LZTS1: variants seen among roughly 807,000 people sequenced by gnomAD.
The protein encoded by LZTS1 is leucine zipper tumor suppressor 1.
Under a neutral mutation model 45.8 loss-of-function variants are expected in LZTS1, and 31 were observed. That is an observed-to-expected ratio of 0.68 (90% CI 0.51 to 0.91). The LOEUF is 0.91. LZTS1 is among the 40% of genes least tolerant of loss of function. The probability of loss-of-function intolerance (pLI) is 0.00; values close to 1 mark genes in which losing one functional copy is unlikely to be tolerated. For synonymous variants in LZTS1, 359 were observed against 357.3 expected (o/e 1.00, Z -0.05); for missense variants, 821 against 788.9 (o/e 1.04, Z -0.49).
chr8:20,275,224 A>G lies in LZTS1; in HGVS notation c.-134-19909T>C, dbSNP rs191942520. On this transcript the variant is annotated intron_variant, in intron 1 of 3. Coordinates refer to ENST00000381569, the MANE Select transcript of LZTS1 (RefSeq NM_021020.5). ...CGAGACCAGCCTGGCCAACATGGTG[A>G]AACCCCATCTCTACTAAAAATACAA... Among the ~76,000 whole-genome samples the G allele has an allele frequency of 3.4e-3, 521 of 152,168 alleles. 5 individuals carry two copies. The highest frequency in any genetic ancestry group is 0.017 in the Middle Eastern group (5 of 294).
chr8:20,302,921 C>T (rs1474494863), intron 1 of LZTS1, among the ~76,000 whole-genome samples: 1 of 152,110 alleles, frequency 6.6e-6, no homozygotes, highest in Non-Finnish European at 1.5e-5. Flanking sequence ...AAAGAGACAT[C>T]ACCTGGCCCT....
chr8:20,253,656 C>G (rs558813210), intron 2 of LZTS1, 71 bp from the exon 3 acceptor site: 11 of 1,265,650 alleles, frequency 8.7e-6, no homozygotes, highest in Middle Eastern at 2.5e-4. Context: ...TCCCCAGGCA[C>G]GCGTGCCGAC....
intron 1 of LZTS1, among the ~76,000 whole-genome samples, chr8:20,261,460 G>A (rs1800227185): frequency 6.6e-6 from 1 of 152,130 alleles, no homozygotes; most frequent in African/African-American, 2.4e-5. Flanking sequence ...CACCAGGACG[G>A]GGAGGGGCCC....
chr8:20,303,269 G>A (rs1429312633), intron 1 of LZTS1, among the ~76,000 whole-genome samples: 1 of 152,106 alleles, frequency 6.6e-6, no homozygotes, highest in Non-Finnish European at 1.5e-5. Flanking sequence ...CTCCCCACCG[G>A]TGTGGACACA....
chr8:20,258,336 T>C (rs1211687162), intron 1 of LZTS1, among the ~76,000 whole-genome samples: 1 of 152,180 alleles, frequency 6.6e-6, no homozygotes, highest in African/African-American at 2.4e-5. Flanking sequence ...TGGGCACAGC[T>C]GAAAGGGAGC....
chr8:20,253,611 C>G (rs767906279), intron 2 of LZTS1, 26 bp from the exon 3 acceptor site: 5 of 1,425,964 alleles, frequency 3.5e-6, no homozygotes, highest in Non-Finnish European at 3.7e-6. Context: ...ACCGCGGTGA[C>G]TCATGCCTCC....
chr8:20,252,233 TCTTTA>T (rs1463281706), intron 3 of LZTS1, among the ~76,000 whole-genome samples: 1 of 152,168 alleles, frequency 6.6e-6, no homozygotes, highest in Non-Finnish European at 1.5e-5. Context: ...AGTGGGGGAC[TCTTTA>T]CTTCCTCTCC....
chr8:20,269,467 G>A (rs1800431603), intron 1 of LZTS1, among the ~76,000 whole-genome samples: 2 of 152,188 alleles, frequency 1.3e-5, no homozygotes, highest in Non-Finnish European at 2.9e-5. Context: ...AGACTAAGTG[G>A]GCACCCCTGG....
At chr8:20,253,711 G>T in intron 2 of LZTS1, 126 bp from the exon 3 acceptor site, 1 of 656,884 alleles carries the variant, frequency 1.5e-6, no homozygotes, top group East Asian at 2.8e-5. Context: ...CACCCCTCTT[G>T]GTCAATTGTC....
rs1345525725 is a variant in LZTS1, at chr8:20,253,336, G to T, written c.595C>A (p.Pro199Thr). The T allele has an allele frequency of 5.0e-6, 8 of 1,613,736 alleles. No homozygotes were observed. Among genetic ancestry groups the T allele is most frequent in the Non-Finnish European group, 5.1e-6 (6 of 1,179,970 alleles). The part of the protein sequence containing the change: ...SSYQLDPLVT[P>T]VGPTSRFGGS... ...CCAAAACGGCTTGTGGGTCCCACGG[G>T]TGTGACCAGCGGGTCCAGCTGGTAG... is the stretch of plus-strand genomic sequence containing the variant. The change falls in exon 3 of 4, where the codon CCC becomes ACC. Residue 199 changes from proline (P) to threonine (T), a missense_variant. Transcript: ENST00000381569.
rs1178676184 is a variant in LZTS1 at position 20,253,173 on chromosome 8, C to T, written c.758G>A (p.Arg253His). ...NKADKGPSCVRSPISTDECSI... is the reference protein window; with the variant it reads ...NKADKGPSCVHSPISTDECSI... ...GCACTCGTCCGTGGAGATGGGGGAG[C>T]GGACACACGAGGGGCCCTTGTCTGC... is the stretch of plus-strand genomic sequence containing the variant. Residue 253 changes from arginine to histidine, a missense_variant, in exon 3 of 4, where the codon CGC becomes CAC. Coordinates refer to ENST00000381569, the MANE Select transcript of LZTS1 (RefSeq NM_021020.5). 7 of 1,613,376 alleles carry T rather than the reference C, an allele frequency of 4.3e-6. No individual in the cohort carries two copies. Among genetic ancestry groups the T allele is most frequent in the Non-Finnish European group, 5.9e-6 (7 of 1,180,034 alleles).
At chr8:20,278,020 G>C (rs1357781297) in intron 1 of LZTS1, among the ~76,000 whole-genome samples, 1 of 152,140 alleles carries the variant, frequency 6.6e-6, no homozygotes, top group Non-Finnish European at 1.5e-5. Context: ...TAGGTAGTCG[G>C]GCAGGCATGA....
At chr8:20,276,383 G>T (rs968368040) in intron 1 of LZTS1, among the ~76,000 whole-genome samples, 9 of 152,096 alleles carry the variant, frequency 5.9e-5, no homozygotes, top group Admixed American at 5.2e-4. Flanking sequence ...TGAAGGTTAA[G>T]TTGATCACCA....
Position 20,250,273 on chromosome 8 carries a change from C to T in LZTS1, c.1240G>A (p.Gly414Ser). ...EVNAKASEIL[G>S]LKAQLKDTRG... ...GTGTCCTTCAGCTGTGCCTTGAGACCCAGGATCTCGCTAGCCTTGGCGTTC... is the reference window on the plus strand; with the variant it reads ...GTGTCCTTCAGCTGTGCCTTGAGACTCAGGATCTCGCTAGCCTTGGCGTTC... The change falls in exon 4 of 4, where the codon GGT becomes AGT. Residue 414 changes from glycine to serine, a missense_variant. Physicochemically the swap from Gly to Ser is moderately conservative, Grantham distance 56. Coordinates refer to ENST00000381569, the MANE Select transcript of LZTS1 (RefSeq NM_021020.5). 1 of 1,613,864 alleles carries T rather than the reference C, an allele frequency of 6.2e-7. No individual in the cohort carries two copies. The highest frequency in any genetic ancestry group is 8.5e-7 in the Non-Finnish European group (1 of 1,179,996).
At chr8:20,278,412 G>C (rs1303762653) in intron 1 of LZTS1, among the ~76,000 whole-genome samples, 1 of 152,164 alleles carries the variant, frequency 6.6e-6, no homozygotes, top group Non-Finnish European at 1.5e-5. Context: ...CCACCCAAAG[G>C]GAAGAATCAG....
rs1329267602 is a variant in LZTS1 at position 20,255,242 on chromosome 8, A to G, written c.-61T>C. The G allele has an allele frequency of 2.6e-6, 4 of 1,548,380 alleles. No homozygotes were observed. The South Asian group carries it at 3.7e-5, about 14-fold the overall frequency. On this transcript the variant is annotated 5_prime_UTR_variant, in exon 2 of 4. Transcript: ENST00000381569. ...AGGGTCTTGGAAAGGCTGTGGCAGC[A>G]AGGGGCAGTCGTGGCTCCGTGAGGG...
intron 1 of LZTS1, among the ~76,000 whole-genome samples, chr8:20,266,087 A>G (rs139142148): frequency 8.6e-5 from 13 of 151,874 alleles, no homozygotes; most frequent in Middle Eastern, 3.4e-3. Context: ...CAGTGGTGCA[A>G]TTGTAGCCCA....
intron 1 of LZTS1, among the ~76,000 whole-genome samples, chr8:20,300,427 G>C (rs1220976755): frequency 6.6e-6 from 1 of 151,900 alleles, no homozygotes; most frequent in African/African-American, 2.4e-5. Flanking sequence ...CCCCCTCCCG[G>C]GTTCACGCCA....
chr8:20,292,114 G>C (rs1017315765), intron 1 of LZTS1, among the ~76,000 whole-genome samples: 4 of 152,254 alleles, frequency 2.6e-5, no homozygotes, highest in African/African-American at 9.6e-5. Flanking sequence ...CAGGTTTTTA[G>C]AAGGCAAGAT....
Sources: allele counts gnomAD v4.1 joint callset (sites outside exome capture counted in the v4.1 genomes callset), GRCh38; gene constraint gnomAD v4.1.1; transcripts MANE v1.5; gene names NCBI Gene and HGNC (gene_info 2026-07-23, HGNC 2026-07-21).